The following SLCO4C1 variants were observed in gnomAD, a reference collection of about 807,000 sequenced individuals.
The protein encoded by SLCO4C1 is organic anion transporter M1.
In SLCO4C1, 58 loss-of-function variants were observed where a neutral mutation model predicts 72.1. The ratio of observed to expected loss-of-function variants is 0.80; its 90% CI spans 0.65 to 1.00. The LOEUF (loss-of-function observed/expected upper bound fraction) is 1.00, where lower values mean the gene tolerates loss of function less well. Among genes scored for constraint, SLCO4C1 ranks in the 50% least tolerant of loss-of-function variants. The pLI is 0.00. For missense variants in SLCO4C1, 898 were observed against 857.9 expected, an observed-to-expected ratio of 1.05 and a Z score of -0.58; for synonymous variants, 297 against 312.5, an observed-to-expected ratio of 0.95 and a Z score of 0.52.
At chr5:102,262,068 T>C in intron 4 of SLCO4C1, 35 bp from the exon 5 acceptor site, 1 of 1,576,456 alleles carries the variant, frequency 6.3e-7, no homozygotes, top group African/African-American at 1.4e-5. Flanking sequence ...AAAAGTCAAC[T>C]CTACCTTATT....
chr5:102,240,733 C>T lies in SLCO4C1; in HGVS notation c.1861G>A (p.Val621Ile). ...AATGGCATACCTAATAATCGAAGGA[C>T]CATAAATTGTATTCCCAAGGCTAGG... is the stretch of plus-strand genomic sequence containing the variant. ...RSLALGIQFM[V>I]LRLLGTIPGP... Residue 621 changes from valine (V) to isoleucine (I), a missense_variant, in exon 11 of 13, where the codon GTC becomes ATC. By Grantham distance (29) the Val-to-Ile change is conservative. Transcript: ENST00000310954. The T allele has an allele frequency of 6.2e-7, 1 of 1,611,244 alleles. No individual in the cohort carries two copies. The highest frequency in any genetic ancestry group is 1.7e-5 in the Admixed American group (1 of 59,838).
At chr5:102,257,444 G>A (rs1580248469) in intron 7 of SLCO4C1, 134 bp from the exon 8 acceptor site, 1 of 622,970 alleles carries the variant, frequency 1.6e-6, no homozygotes, top group Non-Finnish European at 2.5e-6. Flanking sequence ...AGAAATACAT[G>A]TACAAATGAC....
chr5:102,266,768 C>CAT (rs1409893853), intron 3 of SLCO4C1, among the ~76,000 whole-genome samples: 1 of 152,132 alleles, frequency 6.6e-6, no homozygotes, highest in African/African-American at 2.4e-5. Flanking sequence ...GTGGGTTTTC[C>CAT]ATATACGGCC....
chr5:102,248,805 T>A (rs1334412635), intron 9 of SLCO4C1, among the ~76,000 whole-genome samples: 1 of 152,148 alleles, frequency 6.6e-6, no homozygotes, highest in Non-Finnish European at 1.5e-5. Flanking sequence ...GTACTACTCA[T>A]AATCTGAATA....
intron 10 of SLCO4C1, among the ~76,000 whole-genome samples, chr5:102,246,050 G>A (rs1410763955): frequency 6.6e-6 from 1 of 151,298 alleles, no homozygotes; most frequent in African/African-American, 2.4e-5. Context: ...GTACTAATAG[G>A]GAAGTTTATA....
chr5:102,288,633 C>A (rs573236225), intron 2 of SLCO4C1, among the ~76,000 whole-genome samples: 1 of 152,290 alleles, frequency 6.6e-6, no homozygotes, highest in Admixed American at 6.5e-5. Context: ...TCCCTAGTGT[C>A]TACCTGCCTC....
chr5:102,264,374 A>C (rs1486531509), intron 3 of SLCO4C1, among the ~76,000 whole-genome samples: 3 of 151,920 alleles, frequency 2.0e-5, no homozygotes, highest in African/African-American at 7.3e-5. Context: ...ATTTTCATAA[A>C]ACAAAAGTTA....
intron 2 of SLCO4C1, among the ~76,000 whole-genome samples, chr5:102,290,753 T>C (rs1374560322): frequency 6.6e-6 from 1 of 152,220 alleles, no homozygotes; most frequent in African/African-American, 2.4e-5. Flanking sequence ...CTACTATATT[T>C]GTTTTTTTAT....
At chr5:102,277,025 A>C (rs1213011579) in intron 2 of SLCO4C1, among the ~76,000 whole-genome samples, 1 of 152,016 alleles carries the variant, frequency 6.6e-6, no homozygotes, top group Non-Finnish European at 1.5e-5. Flanking sequence ...CCTGGGTTTT[A>C]TTTTTGCTTA....
intron 7 of SLCO4C1, 23 bp from the exon 8 acceptor site, chr5:102,257,333 A>T: frequency 6.4e-7 from 1 of 1,556,742 alleles, no homozygotes; most frequent in Non-Finnish European, 8.7e-7. Flanking sequence ...AAGAATGTAG[A>T]TTGTGAGAAA....
intron 8 of SLCO4C1, among the ~76,000 whole-genome samples, chr5:102,251,022 A>G (rs1748729839): frequency 6.6e-6 from 1 of 152,002 alleles, no homozygotes; most frequent in Admixed American, 6.6e-5. Context: ...GAATGAGTAC[A>G]AGTAAGCCAG....
chr5:102,262,215 A>G (rs34148371), intron 4 of SLCO4C1, among the ~76,000 whole-genome samples, 182 bp from the exon 5 acceptor site: 1,689 of 152,338 alleles, frequency 0.011, 9 homozygotes, highest in Non-Finnish European at 0.016. Context: ...TGAGAGTTAT[A>G]AGAATAATGG....
At chr5:102,265,718 T>C (rs959334027) in intron 3 of SLCO4C1, among the ~76,000 whole-genome samples, 1 of 152,322 alleles carries the variant, frequency 6.6e-6, no homozygotes, top group Non-Finnish European at 1.5e-5. Flanking sequence ...TAAAGCTTTG[T>C]TGTATAATTT....
Position 102,270,824 on chromosome 5 carries a change from T to C in SLCO4C1, c.620-18A>G, listed in dbSNP as rs752974394. ...ACAAGTGTCTTTGTGGAAAAAAAAA[T>C]TGTGAATTTATAGAAATTCAGCTAA... On this transcript the variant is annotated intron_variant, in intron 2 of 12. Transcript: ENST00000310954. The C allele has an allele frequency of 1.8e-5, 22 of 1,235,820 alleles. No individual in the cohort carries two copies. Among genetic ancestry groups the C allele is most frequent in the African/African-American group, 3.1e-5 (2 of 63,500 alleles). The allele number at this position is 1,235,820 out of a possible 1,614,324, so 76.6% of individuals were successfully genotyped here. A position where few individuals can be genotyped will look rare whatever the true frequency, so the allele number is the denominator to read the frequency against.
chr5:102,268,559 T>A (rs1051247737), intron 3 of SLCO4C1, among the ~76,000 whole-genome samples: 1 of 152,296 alleles, frequency 6.6e-6, no homozygotes, highest in East Asian at 1.9e-4. Context: ...ATTCAGCCTA[T>A]CTATATTTTT....
chr5:102,240,327 A>G (rs1219986190), intron 11 of SLCO4C1, among the ~76,000 whole-genome samples: 3 of 152,142 alleles, frequency 2.0e-5, no homozygotes, highest in Non-Finnish European at 2.9e-5. Context: ...ATTCTTAACT[A>G]GTCACAATAT....
rs76401205 is a variant in SLCO4C1, at chr5:102,283,394, C to T, written c.619+7949G>A. On this transcript the variant is annotated intron_variant, in intron 2 of 12. Coordinates refer to ENST00000310954, the MANE Select transcript of SLCO4C1 (RefSeq NM_180991.5). ...AGCAAAAACTTAAACTCACTTATTT[C>T]TGACTCTCATATCTCTGCTAAAGTG... Among the ~76,000 whole-genome samples, 1,037 of 152,034 alleles carry T rather than the reference C, an allele frequency of 6.8e-3. 13 individuals are homozygous for T. The highest frequency in any genetic ancestry group is 0.024 in the African/African-American group (982 of 41,510).
In SLCO4C1 at chr5:102,269,351, T is replaced by C. The variant is rs559440927; in HGVS notation, c.802+1273A>G. Among the ~76,000 whole-genome samples, 22 of 55,172 alleles carry C rather than the reference T, an allele frequency of 4.0e-4. 1 individual carries two copies. In the South Asian group the frequency reaches 8.5e-3, roughly 21 times the overall value. 36.2% of individuals were successfully genotyped at this position (55,172 alleles called of 152,430 possible). A position where few individuals can be genotyped will look rare whatever the true frequency, so the allele number is the denominator to read the frequency against. ...GCCCATATGTCACATAAGCTTTCTT[T>C]ATTTTTTTTTTCATTTTGTTTGCTG... On this transcript the variant is annotated intron_variant, in intron 3 of 12. Coordinates refer to ENST00000310954, the MANE Select transcript of SLCO4C1 (RefSeq NM_180991.5).
At chr5:102,238,306 G>A (rs1294736657) in intron 12 of SLCO4C1, among the ~76,000 whole-genome samples, 2 of 152,094 alleles carry the variant, frequency 1.3e-5, no homozygotes, top group Non-Finnish European at 2.9e-5. Context: ...AACATTGTAT[G>A]TAGCCATGAT....
Sources: gnomAD v4.1 joint callset for allele counts (sites outside exome capture counted in the v4.1 genomes callset) on GRCh38, gnomAD v4.1.1 for gene constraint, MANE v1.5 for transcripts, NCBI Gene and HGNC (gene_info 2026-07-23, HGNC 2026-07-21) for gene names.